The following ADAMTS19 variants were observed in gnomAD, a reference collection of about 807,000 sequenced individuals.
ADAMTS19 encodes A disintegrin and metalloproteinase with thrombospondin motifs 19.
ADAMTS19 carries 93 observed loss-of-function variants against 153.3 expected under a neutral mutation model. The ratio of observed to expected loss-of-function variants is 0.61; its 90% CI spans 0.51 to 0.72. ADAMTS19 has a LOEUF of 0.72. Among genes scored for constraint, ADAMTS19 ranks in the 30% least tolerant of loss-of-function variants. The pLI is 0.00. For missense variants in ADAMTS19, 1,482 were observed against 1,552.1 expected (o/e 0.95, Z 0.76); for synonymous variants, 600 against 556.6 (o/e 1.08, Z -1.10).
intron 21 of ADAMTS19, among the ~76,000 whole-genome samples, chr5:129,734,330 C>G (rs532104902): frequency 6.4e-4 from 98 of 151,960 alleles, no homozygotes; most frequent in Admixed American, 2.1e-3. Flanking sequence ...TACCTTTTAC[C>G]TGAGAAATTC....
intron 10 of ADAMTS19, 46 bp from the exon 11 acceptor site, chr5:129,641,813 A>G (rs749001429): frequency 4.6e-6 from 6 of 1,305,426 alleles, no homozygotes; most frequent in Non-Finnish European, 6.4e-6. Context: ...TCACTTAAAA[A>G]AATGTGATAC....
At chr5:129,501,361 A>G (rs1751101450) in intron 2 of ADAMTS19, among the ~76,000 whole-genome samples, 2 of 152,164 alleles carry the variant, frequency 1.3e-5, no homozygotes, top group African/African-American at 2.4e-5. Flanking sequence ...AAGTCTGATC[A>G]TATAGAACAG....
At chr5:129,662,270 T>C (rs1328424176) in intron 15 of ADAMTS19, among the ~76,000 whole-genome samples, 1 of 152,228 alleles carries the variant, frequency 6.6e-6, no homozygotes, top group Non-Finnish European at 1.5e-5. Flanking sequence ...AGGATGTTAC[T>C]GTGTGCAAAG....
intron 6 of ADAMTS19, among the ~76,000 whole-genome samples, chr5:129,539,389 C>G (rs761634068): frequency 6.6e-6 from 1 of 152,010 alleles, no homozygotes; most frequent in Non-Finnish European, 1.5e-5. Context: ...TGTCTAGAAG[C>G]TGGAAAAGGC....
chr5:129,463,829 T>C (rs141966662), intron 2 of ADAMTS19, among the ~76,000 whole-genome samples: 3 of 152,332 alleles, frequency 2.0e-5, no homozygotes, highest in Admixed American at 2.0e-4. Flanking sequence ...GGATATTTAA[T>C]GTATTATAGG....
intron 21 of ADAMTS19, among the ~76,000 whole-genome samples, chr5:129,708,368 G>C (rs896171540): frequency 4.6e-5 from 7 of 151,972 alleles, no homozygotes; most frequent in African/African-American, 7.2e-5. Flanking sequence ...ATGTTCTTCG[G>C]ATCTTTCTTG....
At chr5:129,513,652 T>G (rs912131573) in intron 3 of ADAMTS19, among the ~76,000 whole-genome samples, 2 of 152,110 alleles carry the variant, frequency 1.3e-5, no homozygotes. Context: ...TTTTAAATTT[T>G]TTTGTGGGTA....
chr5:129,682,216 C>T (rs1754852723), intron 17 of ADAMTS19, among the ~76,000 whole-genome samples: 1 of 152,110 alleles, frequency 6.6e-6, no homozygotes, highest in African/African-American at 2.4e-5. Context: ...TCTATGTGAC[C>T]TGGATTTATT....
chr5:129,545,656 C>A (rs1220323205), intron 6 of ADAMTS19, among the ~76,000 whole-genome samples: 1 of 151,646 alleles, frequency 6.6e-6, no homozygotes, highest in Admixed American at 6.6e-5. Context: ...CACTGGCCAT[C>A]AGAGAAATGC....
chr5:129,649,934 T>G (rs1753241310), intron 13 of ADAMTS19, among the ~76,000 whole-genome samples: 1 of 152,204 alleles, frequency 6.6e-6, no homozygotes, highest in South Asian at 2.1e-4. Flanking sequence ...TCTCACCATT[T>G]TGGGAGGCCA....
chr5:129,642,607 G>A (rs770180926), intron 11 of ADAMTS19, among the ~76,000 whole-genome samples: 2 of 152,116 alleles, frequency 1.3e-5, no homozygotes, highest in Non-Finnish European at 2.9e-5. Context: ...CAGATCAATA[G>A]TTTACATAAT....
chr5:129,468,546 G>C (rs1185249688), intron 2 of ADAMTS19, among the ~76,000 whole-genome samples: 1 of 151,864 alleles, frequency 6.6e-6, no homozygotes, highest in Non-Finnish European at 1.5e-5. Flanking sequence ...TAGAGACGGG[G>C]TTTCACCGTG....
At chr5:129,577,557 G>A (rs1417215848) in intron 7 of ADAMTS19, among the ~76,000 whole-genome samples, 2 of 152,074 alleles carry the variant, frequency 1.3e-5, no homozygotes, top group Admixed American at 1.3e-4. Flanking sequence ...TTTGCATAAA[G>A]GTTTGATGAT....
chr5:129,572,318 C>T (rs534392749), intron 7 of ADAMTS19, among the ~76,000 whole-genome samples: 1 of 152,012 alleles, frequency 6.6e-6, no homozygotes, highest in African/African-American at 2.4e-5. Flanking sequence ...TACATTGTTG[C>T]TGGGAATGGA....
At chr5:129,563,790 A>G (rs1291749383) in intron 7 of ADAMTS19, among the ~76,000 whole-genome samples, 2 of 152,198 alleles carry the variant, frequency 1.3e-5, no homozygotes, top group Non-Finnish European at 2.9e-5. Context: ...CAGAATTCTA[A>G]ATATGGCAAT....
rs1264914149 is a variant in ADAMTS19 at position 129,559,250 on chromosome 5, ACCAAC to A, written c.1372+7344_1372+7348del. Among the ~76,000 whole-genome samples, 3 of 152,110 alleles carry A rather than the reference ACCAAC, an allele frequency of 2.0e-5. No individual in the cohort carries two copies. The East Asian group carries it at 5.8e-4, about 29-fold the overall frequency. On this transcript the variant is annotated intron_variant, in intron 7 of 22. Coordinates refer to ENST00000274487, the MANE Select transcript of ADAMTS19 (RefSeq NM_133638.6). ...ATTAATAGTATTTCCAATACATGTA[ACCAAC>A]AAAGTATTAGAACCCAGAGTATAAA...
chr5:129,487,699 C>T (rs1750644319), intron 2 of ADAMTS19, among the ~76,000 whole-genome samples: 1 of 151,988 alleles, frequency 6.6e-6, no homozygotes, highest in Non-Finnish European at 1.5e-5. Flanking sequence ...GTTTCCTTGG[C>T]ACTCAGGGAC....
chr5:129,551,169 G>A (rs1753077794), intron 6 of ADAMTS19, among the ~76,000 whole-genome samples: 2 of 151,574 alleles, frequency 1.3e-5, no homozygotes, highest in East Asian at 3.9e-4. Flanking sequence ...CTAGTAAGAG[G>A]TAGATTAAAA....
At chr5:129,552,467 C>T (rs1436465866) in intron 7 of ADAMTS19, among the ~76,000 whole-genome samples, 2 of 151,524 alleles carry the variant, frequency 1.3e-5, no homozygotes, top group Admixed American at 1.3e-4. Context: ...CATATATGTT[C>T]ATGTTTTAAA....
Sources: gnomAD v4.1 joint callset for allele counts (sites outside exome capture counted in the v4.1 genomes callset) on GRCh38, gnomAD v4.1.1 for gene constraint, MANE v1.5 for transcripts, NCBI Gene and HGNC (gene_info 2026-07-23, HGNC 2026-07-21) for gene names.